ADAM10: variants seen among roughly 807,000 people sequenced by gnomAD.
ADAM10 encodes disintegrin and metalloproteinase domain-containing protein 10.
In ADAM10, 17 loss-of-function variants were observed where a neutral mutation model predicts 90.1. The ratio of observed to expected loss-of-function variants is 0.19; its 90% CI spans 0.13 to 0.28. The LOEUF (loss-of-function observed/expected upper bound fraction) is 0.28, where lower values mean the gene tolerates loss of function less well. ADAM10 is among the 10% of genes least tolerant of loss of function. ADAM10 has a pLI of 1.00. For synonymous variants in ADAM10, 310 were observed against 298.6 expected, an observed-to-expected ratio of 1.04 and a Z score of -0.40; for missense variants, 610 against 914.3, an observed-to-expected ratio of 0.67 and a Z score of 4.29.
intron 4 of ADAM10, among the ~76,000 whole-genome samples, chr15:58,666,745 C>G (rs1897091002): frequency 6.6e-6 from 1 of 151,960 alleles, no homozygotes; most frequent in Non-Finnish European, 1.5e-5. Context: ...TTTATTTCTT[C>G]GCAAACTGAA....
intron 15 of ADAM10, among the ~76,000 whole-genome samples, chr15:58,598,754 C>A (rs762354438): frequency 6.6e-6 from 1 of 152,174 alleles, no homozygotes. Context: ...CTAAACAATA[C>A]GAAGGGTTTA....
intron 1 of ADAM10, among the ~76,000 whole-genome samples, chr15:58,737,566 T>C (rs1899471958): frequency 6.6e-6 from 1 of 152,140 alleles, no homozygotes; most frequent in Non-Finnish European, 1.5e-5. Flanking sequence ...ATTTATAAAA[T>C]GAAAATAACA....
At chr15:58,729,905 C>T (rs1475689817) in intron 1 of ADAM10, among the ~76,000 whole-genome samples, 4 of 149,976 alleles carry the variant, frequency 2.7e-5, no homozygotes, top group South Asian at 2.1e-4. Flanking sequence ...GAGGCTGCGG[C>T]GAGCCAAGAC....
intron 5 of ADAM10, among the ~76,000 whole-genome samples, chr15:58,664,312 T>C (rs1217717340): frequency 6.6e-6 from 1 of 152,126 alleles, no homozygotes; most frequent in Non-Finnish European, 1.5e-5. Flanking sequence ...CGATAACCTT[T>C]TGAGAATAGC....
chr15:58,640,725 C>T (rs757010244), intron 8 of ADAM10, 52 bp downstream of exon 8: 5 of 1,542,624 alleles, frequency 3.2e-6, no homozygotes, highest in Non-Finnish European at 4.5e-6. Flanking sequence ...TCTCTGAAAA[C>T]TCCCCTTTGT....
chr15:58,655,696 G>GTGTATATATA, intron 5 of ADAM10, among the ~76,000 whole-genome samples: 1 of 68,258 alleles, frequency 1.5e-5, no homozygotes, highest in East Asian at 5.2e-4. Flanking sequence ...ATTATATATA[G>GTGTATATATA]TATATATATA....
intron 1 of ADAM10, among the ~76,000 whole-genome samples, chr15:58,743,327 T>C (rs1379909893): frequency 6.6e-6 from 1 of 152,180 alleles, no homozygotes; most frequent in Non-Finnish European, 1.5e-5. Flanking sequence ...ATGACTGCCC[T>C]TGCCCACAAC....
chr15:58,720,501 C>G (rs1350677852), intron 1 of ADAM10, among the ~76,000 whole-genome samples: 1 of 151,822 alleles, frequency 6.6e-6, no homozygotes, highest in Non-Finnish European at 1.5e-5. Context: ...CCTGAGTTCA[C>G]GCCATTCTCC....
At chr15:58,718,911 T>C (rs1328393348) in intron 1 of ADAM10, among the ~76,000 whole-genome samples, 1 of 152,284 alleles carries the variant, frequency 6.6e-6, no homozygotes, top group African/African-American at 2.4e-5. Context: ...CTACCTAGGT[T>C]CCCTCTCATA....
intron 15 of ADAM10, among the ~76,000 whole-genome samples, 178 bp from the exon 16 acceptor site, chr15:58,597,819 T>C (rs1183956404): frequency 6.6e-6 from 1 of 151,838 alleles, no homozygotes; most frequent in Non-Finnish European, 1.5e-5. Context: ...AAAGGTGAAA[T>C]AATTTTAATA....
At chr15:58,687,873 A>G (rs530268940) in intron 2 of ADAM10, among the ~76,000 whole-genome samples, 1 of 152,326 alleles carries the variant, frequency 6.6e-6, no homozygotes, top group Non-Finnish European at 1.5e-5. Flanking sequence ...TGGAGAACCA[A>G]TTAATGGTTG....
intron 15 of ADAM10, 64 bp downstream of exon 15, chr15:58,599,534 T>C: frequency 6.4e-7 from 1 of 1,560,312 alleles, no homozygotes; most frequent in South Asian, 1.1e-5. Flanking sequence ...TCATTTATAA[T>C]TCAATTCTAC....
At chr15:58,654,629 T>G (rs1030695784) in intron 5 of ADAM10, among the ~76,000 whole-genome samples, 1 of 152,206 alleles carries the variant, frequency 6.6e-6, no homozygotes, top group Non-Finnish European at 1.5e-5. Flanking sequence ...TCATTCCACA[T>G]CAGCTTCCTA....
chr15:58,736,955 T>C (rs1271703076), intron 1 of ADAM10, among the ~76,000 whole-genome samples: 2 of 152,042 alleles, frequency 1.3e-5, no homozygotes, highest in Non-Finnish European at 2.9e-5. Flanking sequence ...TCTCTAGTTT[T>C]TTTTTAAGGG....
chr15:58,746,135 C>G lies in ADAM10; in HGVS notation c.55+3345G>C, dbSNP rs1317962233. The stretch of plus-strand genomic sequence containing the variant: ...CCAGCTTGAGTTCGAATGTCCAATT[C>G]ACCACTAAGTGGTGGATGATGCTAG... On this transcript the variant is annotated intron_variant, in intron 1 of 15. Transcript: ENST00000260408. Among the ~76,000 whole-genome samples, 3 of 152,302 alleles carry G rather than the reference C, an allele frequency of 2.0e-5. No individual in the cohort carries two copies. In the East Asian group the frequency reaches 5.8e-4, roughly 29 times the overall value.
intron 8 of ADAM10, among the ~76,000 whole-genome samples, chr15:58,633,945 G>C (rs1344389955): frequency 4.0e-5 from 6 of 150,582 alleles, no homozygotes; most frequent in Non-Finnish European, 7.4e-5. Context: ...AGGAAAAAGA[G>C]AAGATGGGTG....
intron 1 of ADAM10, among the ~76,000 whole-genome samples, chr15:58,720,836 A>G (rs1898828698): frequency 6.6e-6 from 1 of 152,250 alleles, no homozygotes; most frequent in Non-Finnish European, 1.5e-5. Flanking sequence ...AATGGGGAAG[A>G]ATGAGAACTT....
intron 1 of ADAM10, among the ~76,000 whole-genome samples, chr15:58,719,285 T>C (rs1213403429): frequency 1.3e-5 from 2 of 151,954 alleles, no homozygotes; most frequent in Non-Finnish European, 2.9e-5. Flanking sequence ...GATCATGCCA[T>C]TGCACTCCAG....
chr15:58,712,728 A>G (rs1898516218), intron 2 of ADAM10, among the ~76,000 whole-genome samples: 1 of 152,052 alleles, frequency 6.6e-6, no homozygotes, highest in South Asian at 2.1e-4. Flanking sequence ...CAGGAGGCTG[A>G]GGCAGGACAA....
Sources: allele counts gnomAD v4.1 joint callset (sites outside exome capture counted in the v4.1 genomes callset), GRCh38; gene constraint gnomAD v4.1.1; transcripts MANE v1.5; gene names NCBI Gene and HGNC (gene_info 2026-07-23, HGNC 2026-07-21).